The following ADGRD1 variants were observed in gnomAD, a reference collection of about 807,000 sequenced individuals.
ADGRD1 encodes adhesion G protein-coupled receptor D1, also known as G-protein coupled receptor 133.
In ADGRD1, 77 loss-of-function variants were observed where a neutral mutation model predicts 113.4. The observed-to-expected ratio is 0.68, with a 90% CI of 0.57 to 0.82. The LOEUF is 0.82. Ranked by LOEUF, ADGRD1 falls within the 40% of genes least tolerant of loss-of-function variation. ADGRD1 has a pLI of 0.00. For synonymous variants in ADGRD1, 474 were observed against 475.0 expected, an observed-to-expected ratio of 1.00 and a Z score of 0.03; for missense variants, 1,036 against 1,139.1, an observed-to-expected ratio of 0.91 and a Z score of 1.30.
At chr12:131,121,090 G>A (rs570936395) in intron 20 of ADGRD1, among the ~76,000 whole-genome samples, 177 bp downstream of exon 20, 3 of 152,356 alleles carry the variant, frequency 2.0e-5, no homozygotes, top group African/African-American at 4.8e-5. Flanking sequence ...CTTATTTCCC[G>A]GAATGCTCAG....
At chr12:131,013,940 C>T (rs11061281) in intron 12 of ADGRD1, among the ~76,000 whole-genome samples, 1 of 152,118 alleles carries the variant, frequency 6.6e-6, no homozygotes, top group Non-Finnish European at 1.5e-5. Flanking sequence ...CCTGGCGTCA[C>T]ACCTTAACGA....
chr12:131,081,060 C>T (rs1160248674), intron 14 of ADGRD1, among the ~76,000 whole-genome samples: 1 of 152,126 alleles, frequency 6.6e-6, no homozygotes, highest in East Asian at 1.9e-4. Flanking sequence ...ATATGCGTTA[C>T]TTTGAAGTCT....
rs533772181 is a variant in ADGRD1, at chr12:131,112,784, G to A, written c.2041+3907G>A. ...CCTCTCATGCAGGGCACTGGGTGGGGGAAATCGCTTCGAATCTTCAGAGCT... is the reference window on the plus strand; with the variant it reads ...CCTCTCATGCAGGGCACTGGGTGGGAGAAATCGCTTCGAATCTTCAGAGCT... On this transcript the variant is annotated intron_variant, in intron 18 of 24. Coordinates refer to ENST00000261654, the MANE Select transcript of ADGRD1 (RefSeq NM_198827.5). 2.0e-5 allele frequency among the ~76,000 whole-genome samples: 3 copies of A among 152,346 alleles called. No homozygotes were observed. The South Asian group carries it at 6.2e-4, about 32-fold the overall frequency.
intron 2 of ADGRD1, among the ~76,000 whole-genome samples, chr12:130,961,976 C>T (rs1285626786): frequency 6.6e-6 from 1 of 152,228 alleles, no homozygotes; most frequent in Non-Finnish European, 1.5e-5. Context: ...GTCGCCTCCG[C>T]CTCTCCTGCC....
At chr12:131,115,510 G>A (rs1046083874) in intron 18 of ADGRD1, among the ~76,000 whole-genome samples, 1 of 152,076 alleles carries the variant, frequency 6.6e-6, no homozygotes, top group East Asian at 1.9e-4. Flanking sequence ...TTGCCCATGC[G>A]CCCATCCTCC....
intron 13 of ADGRD1, among the ~76,000 whole-genome samples, chr12:131,076,041 G>A (rs549085283): frequency 1.4e-4 from 22 of 152,264 alleles, no homozygotes; most frequent in African/African-American, 5.3e-4. Context: ...TTTCATTTAG[G>A]GTAGAGCATA....
chr12:131,105,137 TG>T (rs1047399307), intron 16 of ADGRD1, among the ~76,000 whole-genome samples: 31 of 152,306 alleles, frequency 2.0e-4, no homozygotes, highest in Admixed American at 1.3e-3. Flanking sequence ...GCCATGGGCC[TG>T]GGGACACCTC....
chr12:131,048,429 A>T (rs1233951157), intron 13 of ADGRD1, among the ~76,000 whole-genome samples: 2 of 152,190 alleles, frequency 1.3e-5, no homozygotes, highest in Admixed American at 1.3e-4. Flanking sequence ...CCGCTGCTAC[A>T]GCTGTGGGGC....
Position 131,006,018 on chromosome 12 carries a change from C to T in ADGRD1, c.1302C>T (p.Tyr434=), listed in dbSNP as rs1177003724. Residue 434 remains tyrosine (Y), a synonymous_variant, in exon 12 of 25, where the codon TAC becomes TAT. Transcript: ENST00000261654. ...VGLLYHSMHY[Y]LNNIWPAHTK... ...TGCTGTACCACAGCATGCACTACTA[C>T]CTGAACAACATCTGGCCCGCCCACA... The T allele has an allele frequency of 1.9e-6, 3 of 1,612,594 alleles. No homozygotes were observed. The highest frequency in any genetic ancestry group is 2.2e-5 in the East Asian group (1 of 44,860).
intron 15 of ADGRD1, chr12:131,092,120 A>G (rs146012666): frequency 6.6e-6 from 1 of 152,308 alleles, no homozygotes; most frequent in African/African-American, 2.4e-5. Context: ...TGGGAGCTCA[A>G]CTTTCTGTCC....
At chr12:131,017,622 C>T (rs1467374480) in intron 13 of ADGRD1, among the ~76,000 whole-genome samples, 5 of 151,326 alleles carry the variant, frequency 3.3e-5, no homozygotes, top group Admixed American at 1.3e-4. Context: ...AGCACACAAA[C>T]ACCTAGTGCA....
At chr12:131,098,499 C>G (rs980415797) in intron 15 of ADGRD1, among the ~76,000 whole-genome samples, 1 of 152,098 alleles carries the variant, frequency 6.6e-6, no homozygotes, top group African/African-American at 2.4e-5. Context: ...GTGGGGAGAC[C>G]AGGGAAGCCC....
At chr12:131,092,193 T>G (rs1423557069) in intron 15 of ADGRD1, 1 of 152,462 alleles carries the variant, frequency 6.6e-6, no homozygotes, top group Non-Finnish European at 1.5e-5. Context: ...CAGGGGTGGA[T>G]GCAGGTGTGG....
intron 8 of ADGRD1, among the ~76,000 whole-genome samples, chr12:130,992,724 G>A (rs1050032591): frequency 2.0e-5 from 3 of 152,280 alleles, no homozygotes; most frequent in African/African-American, 7.2e-5. Flanking sequence ...CCTGGCAACA[G>A]GTAAAAGGTG....
At chr12:131,070,951 G>A (rs1489785058) in intron 13 of ADGRD1, 1 of 518,846 alleles carries the variant, frequency 1.9e-6, no homozygotes, top group Non-Finnish European at 3.8e-6. Flanking sequence ...CCTGAGAAGG[G>A]GCTGTGGGCT....
intron 13 of ADGRD1, among the ~76,000 whole-genome samples, chr12:131,068,533 A>G (rs925045054): frequency 6.6e-6 from 1 of 152,130 alleles, no homozygotes; most frequent in Non-Finnish European, 1.5e-5. Flanking sequence ...TTGACTCCGC[A>G]CTGATTTTGA....
intron 13 of ADGRD1, among the ~76,000 whole-genome samples, chr12:131,071,805 C>T (rs987624701): frequency 3.3e-5 from 5 of 151,992 alleles, no homozygotes; most frequent in African/African-American, 9.7e-5. Flanking sequence ...TCAGCCGCCT[C>T]GCCCGGCTTC....
intron 24 of ADGRD1, among the ~76,000 whole-genome samples, chr12:131,138,708 C>T (rs997544832): frequency 3.3e-5 from 5 of 152,208 alleles, no homozygotes; most frequent in African/African-American, 9.7e-5. Flanking sequence ...CGCCCCCGCC[C>T]GCAGCTGTGT....
Position 131,010,691 on chromosome 12 carries a change from G to A in ADGRD1, c.1332-3508G>A, listed in dbSNP as rs568782021. Among the ~76,000 whole-genome samples, 33 of 152,290 alleles carry A rather than the reference G, an allele frequency of 2.2e-4. 1 individual carries two copies. In the South Asian group the frequency reaches 5.8e-3, roughly 27 times the overall value. On this transcript the variant is annotated intron_variant, in intron 12 of 24. Transcript: ENST00000261654. ...CCTGACCATCGGTGGGGCTCCGTGG[G>A]GCCAGGTAGTAACTTGGGGCACATT...
Sources: gnomAD v4.1 joint callset for allele counts (sites outside exome capture counted in the v4.1 genomes callset) on GRCh38, gnomAD v4.1.1 for gene constraint, MANE v1.5 for transcripts, NCBI Gene and HGNC (gene_info 2026-07-23, HGNC 2026-07-21) for gene names.